Variants in B3GLCT observed in about 807,000 individuals in gnomAD.
B3GLCT encodes the protein beta-1,3-glucosyltransferase.
In B3GLCT, 65 loss-of-function variants were observed where a neutral mutation model predicts 63.4. The observed-to-expected ratio is 1.03, with a 90% confidence interval of 0.84 to 1.26. B3GLCT has a LOEUF of 1.26. B3GLCT is among the 50% of genes most tolerant of loss of function. The pLI is 0.00. For missense variants in B3GLCT, 577 were observed against 604.8 expected (o/e 0.95, Z 0.48); for synonymous variants, 233 against 219.2 (o/e 1.06, Z -0.55).
chr13:31,224,089 C>T (rs550096323), intron 3 of B3GLCT, among the ~76,000 whole-genome samples: 192 of 152,226 alleles, frequency 1.3e-3, no homozygotes, highest in African/African-American at 4.5e-3. Context: ...CCCCCGCCCC[C>T]GGGTGGAAGT....
chr13:31,286,521 A>G (rs1873337579), intron 11 of B3GLCT, among the ~76,000 whole-genome samples, 199 bp from the exon 12 acceptor site: 1 of 152,172 alleles, frequency 6.6e-6, no homozygotes, highest in Admixed American at 6.5e-5. Flanking sequence ...GAATGGCTTG[A>G]ATTTCATTAT....
intron 4 of B3GLCT, among the ~76,000 whole-genome samples, chr13:31,231,170 C>A (rs1160952757): frequency 6.6e-6 from 1 of 152,040 alleles, no homozygotes. Flanking sequence ...GGTGGCCACG[C>A]GCAGGCTGCT....
At chr13:31,215,613 C>T (rs1238446893) in intron 2 of B3GLCT, among the ~76,000 whole-genome samples, 1 of 152,102 alleles carries the variant, frequency 6.6e-6, no homozygotes, top group African/African-American at 2.4e-5. Flanking sequence ...GGGGTTTCAT[C>T]ATGTTGCCCA....
chr13:31,218,927 G>GC (rs1259044272), intron 2 of B3GLCT, among the ~76,000 whole-genome samples: 10 of 104,138 alleles, frequency 9.6e-5, no homozygotes, highest in South Asian at 6.0e-4. Flanking sequence ...TTTATCAGAA[G>GC]CCCTTTTTTT....
intron 4 of B3GLCT, 72 bp from the exon 5 acceptor site, chr13:31,246,951 C>CTTTTTTTTT (rs66466340): frequency 5.0e-5 from 39 of 779,658 alleles, no homozygotes; most frequent in Admixed American, 1.2e-4. Context: ...CTTTTCTTTT[C>CTTTTTTTTT]TTTTTTTTTT....
chr13:31,274,462 T>C (rs1022144022), intron 8 of B3GLCT, 47 bp from the exon 9 acceptor site: 1 of 1,613,764 alleles, frequency 6.2e-7, no homozygotes, highest in African/African-American at 1.3e-5. Flanking sequence ...CTTATACTTG[T>C]GTTGACTGAG....
chr13:31,211,578 T>C (rs897126991), intron 1 of B3GLCT, among the ~76,000 whole-genome samples: 2 of 151,708 alleles, frequency 1.3e-5, no homozygotes, highest in Admixed American at 6.6e-5. Flanking sequence ...TGACAGACTT[T>C]TTTGGTTTGG....
intron 3 of B3GLCT, 40 bp from the exon 4 acceptor site, chr13:31,229,145 G>A (rs754114623): frequency 1.5e-6 from 2 of 1,301,222 alleles, no homozygotes; most frequent in East Asian, 2.4e-5. Context: ...TAATAATTTT[G>A]TAAAAAGAAA....
intron 6 of B3GLCT, among the ~76,000 whole-genome samples, chr13:31,253,985 C>A (rs1015201384): frequency 6.6e-6 from 1 of 152,072 alleles, no homozygotes; most frequent in Non-Finnish European, 1.5e-5. Flanking sequence ...AAGAAGAAGT[C>A]GAATCCCTGA....
At chr13:31,211,530 A>T (rs1869258609) in intron 1 of B3GLCT, among the ~76,000 whole-genome samples, 1 of 151,998 alleles carries the variant, frequency 6.6e-6, no homozygotes, top group East Asian at 1.9e-4. Context: ...TATCATGGGA[A>T]AAAGGTATTT....
intron 10 of B3GLCT, among the ~76,000 whole-genome samples, chr13:31,278,960 C>A (rs996262061): frequency 2.6e-5 from 4 of 152,088 alleles, no homozygotes; most frequent in African/African-American, 4.8e-5. Flanking sequence ...AGTAGCAGAG[C>A]CAAAGACTTG....
At chr13:31,272,744 CTTG>C (rs140113892) in intron 8 of B3GLCT, among the ~76,000 whole-genome samples, 4 of 152,302 alleles carry the variant, frequency 2.6e-5, no homozygotes, top group East Asian at 1.9e-4. Context: ...CTTACATGCA[CTTG>C]TTGTTCAATA....
At chr13:31,234,974 G>A (rs1870575669) in intron 4 of B3GLCT, among the ~76,000 whole-genome samples, 1 of 152,118 alleles carries the variant, frequency 6.6e-6, no homozygotes, top group Non-Finnish European at 1.5e-5. Context: ...TCATTCTAAG[G>A]TCGTGGGACT....
intron 3 of B3GLCT, among the ~76,000 whole-genome samples, chr13:31,227,825 G>T (rs1566050055): frequency 6.6e-6 from 1 of 152,222 alleles, no homozygotes; most frequent in Non-Finnish European, 1.5e-5. Context: ...TAAAGAGAAA[G>T]ATTCATGGTG....
At chr13:31,280,799 A>G (rs1731165475) in intron 10 of B3GLCT, among the ~76,000 whole-genome samples, 1 of 152,216 alleles carries the variant, frequency 6.6e-6, no homozygotes, top group African/African-American at 2.4e-5. Context: ...TTAGAACACA[A>G]CAAGCAAAAA....
intron 4 of B3GLCT, among the ~76,000 whole-genome samples, chr13:31,231,769 C>T (rs568353610): frequency 6.6e-6 from 1 of 152,304 alleles, no homozygotes; most frequent in East Asian, 1.9e-4. Flanking sequence ...ATTCCTTCTT[C>T]TCCTCTTCCC....
intron 1 of B3GLCT, among the ~76,000 whole-genome samples, chr13:31,213,561 T>C (rs1869384978): frequency 6.8e-6 from 1 of 147,266 alleles, no homozygotes. Flanking sequence ...CAGTCTAGCC[T>C]GGGCAACAGA....
chr13:31,300,164 T>A (rs970930554), intron 12 of B3GLCT, among the ~76,000 whole-genome samples: 2 of 151,984 alleles, frequency 1.3e-5, no homozygotes, highest in Admixed American at 1.3e-4. Flanking sequence ...TAGTGTAGAA[T>A]CCAGTGGCTC....
chr13:31,329,654 C>T lies in B3GLCT; in HGVS notation c.1483C>T (p.Arg495Ter), dbSNP rs770760169. 3.1e-6 allele frequency: 5 copies of T among 1,614,150 alleles called. No individual in the cohort carries two copies. The highest frequency in any genetic ancestry group is 4.2e-6 in the Non-Finnish European group (5 of 1,180,024). Reference sequence around the variant, plus strand: ...CAGGCAGGAGACACAGAAAGGTTTTCGAGAGGAGTTATAAATCAGGGTGAC... The same window carrying T: ...CAGGCAGGAGACACAGAAAGGTTTTTGAGAGGAGTTATAAATCAGGGTGAC... The part of the protein sequence containing the change: ...KARQETQKGF[R>*]EEL Residue 495 changes from arginine (R) to a stop codon, truncating the protein, a stop_gained, in exon 15 of 15, where the codon CGA becomes TGA. Coordinates refer to ENST00000343307, the MANE Select transcript of B3GLCT (RefSeq NM_194318.4). LOFTEE classifies it high-confidence loss of function.
Sources: gnomAD v4.1 joint callset for allele counts (sites outside exome capture counted in the v4.1 genomes callset) on GRCh38, gnomAD v4.1.1 for gene constraint, MANE v1.5 for transcripts, NCBI Gene and HGNC (gene_info 2026-07-23, HGNC 2026-07-21) for gene names.